The following NUBPL variants were observed in gnomAD, a reference collection of about 807,000 sequenced individuals.
NUBPL encodes the protein NUBP iron-sulfur cluster assembly factor, mitochondrial, also known as iron-sulfur cluster transfer protein NUBPL.
In NUBPL, 31 loss-of-function variants were observed where a neutral mutation model predicts 45.7. The ratio of observed to expected loss-of-function variants is 0.68; its 90% CI spans 0.51 to 0.92. The LOEUF is 0.92. Ranked by LOEUF, NUBPL falls within the 40% of genes least tolerant of loss-of-function variation. The probability of loss-of-function intolerance (pLI) is 0.00; values close to 1 mark genes in which losing one functional copy is unlikely to be tolerated. For synonymous variants in NUBPL, 144 were observed against 140.9 expected (o/e 1.02, Z -0.15); for missense variants, 401 against 398.7 (o/e 1.01, Z -0.05).
intron 4 of NUBPL, among the ~76,000 whole-genome samples, chr14:31,618,813 C>T (rs1400050336): frequency 6.6e-6 from 1 of 152,052 alleles, no homozygotes; most frequent in East Asian, 1.9e-4. Context: ...AACTTGAACT[C>T]AGAGCTGAGT....
intron 7 of NUBPL, among the ~76,000 whole-genome samples, chr14:31,805,928 G>A (rs1446153536): frequency 6.6e-6 from 1 of 151,060 alleles, no homozygotes; most frequent in African/African-American, 2.4e-5. Context: ...AAATTTTGGG[G>A]GGCATTTCCT....
Position 31,785,887 on chromosome 14 carries a change from G to A in NUBPL, c.514-1893G>A, listed in dbSNP as rs150261769. ...AAAAGTATGATTATAGGCCAGGCAC[G>A]GTGACTCATGCCTGTAATCCCAGCA... is the stretch of plus-strand genomic sequence containing the variant. On this transcript the variant is annotated intron_variant, in intron 6 of 10. Coordinates refer to ENST00000281081, the MANE Select transcript of NUBPL (RefSeq NM_025152.3). Among the ~76,000 whole-genome samples the A allele has an allele frequency of 2.1e-3, 324 of 152,176 alleles. 1 individual carries two copies. The highest frequency in any genetic ancestry group is 7.3e-3 in the African/African-American group (305 of 41,518).
chr14:31,801,901 G>C (rs1324069809), intron 7 of NUBPL, among the ~76,000 whole-genome samples: 1 of 152,168 alleles, frequency 6.6e-6, no homozygotes, highest in Non-Finnish European at 1.5e-5. Flanking sequence ...AGAGAGAGAA[G>C]CCACTGTGTA....
intron 8 of NUBPL, among the ~76,000 whole-genome samples, chr14:31,838,279 CAAAAAAAAAA>C (rs748313330): frequency 2.5e-4 from 15 of 60,282 alleles, no homozygotes; most frequent in African/African-American, 6.6e-4. Flanking sequence ...TAATATCCAG[CAAAAAAAAAA>C]AAAAAAAAAA....
At chr14:31,566,622 T>C (rs1193157980) in intron 3 of NUBPL, among the ~76,000 whole-genome samples, 3 of 152,106 alleles carry the variant, frequency 2.0e-5, no homozygotes, top group Non-Finnish European at 4.4e-5. Flanking sequence ...CACATCCTAA[T>C]TCCTGGAACC....
At chr14:31,597,233 CAGTT>C (rs747945453) in intron 3 of NUBPL, among the ~76,000 whole-genome samples, 2 of 152,066 alleles carry the variant, frequency 1.3e-5, no homozygotes, top group Non-Finnish European at 2.9e-5. Context: ...AGAATATTGT[CAGTT>C]AGTGTTATTT....
intron 6 of NUBPL, among the ~76,000 whole-genome samples, chr14:31,757,339 T>C (rs2038691322): frequency 6.6e-6 from 1 of 151,250 alleles, no homozygotes; most frequent in African/African-American, 2.4e-5. Context: ...CCTGGACTCT[T>C]TTTGGTTGGT....
chr14:31,690,777 ATG>A lies in NUBPL; in HGVS notation c.513+17204_513+17205del, dbSNP rs2037075504. 2.0e-5 allele frequency among the ~76,000 whole-genome samples: 3 copies of A among 152,326 alleles called. No individual in the cohort carries two copies. In the South Asian group the frequency reaches 6.2e-4, roughly 32 times the overall value. Reference sequence around the variant, plus strand: ...AGATGAGGGATGAAGGGTTTCAGATATGCACCTCAGAGAAATTCAAGACCTTG... The same window carrying A: ...AGATGAGGGATGAAGGGTTTCAGATACACCTCAGAGAAATTCAAGACCTTG... On this transcript the variant is annotated intron_variant, in intron 6 of 10. Coordinates refer to ENST00000281081, the MANE Select transcript of NUBPL (RefSeq NM_025152.3).
chr14:31,818,695 C>T (rs2039966566), intron 7 of NUBPL, among the ~76,000 whole-genome samples: 1 of 152,124 alleles, frequency 6.6e-6, no homozygotes, highest in Admixed American at 6.5e-5. Context: ...ACTACAGGCG[C>T]CGGCCACCAC....
chr14:31,607,795 A>G (rs1248952055), intron 4 of NUBPL, among the ~76,000 whole-genome samples: 1 of 152,164 alleles, frequency 6.6e-6, no homozygotes, highest in Non-Finnish European at 1.5e-5. Flanking sequence ...AGAAGAGGGA[A>G]AAGAAAGAGC....
At chr14:31,710,149 T>C (rs2037538137) in intron 6 of NUBPL, among the ~76,000 whole-genome samples, 1 of 152,166 alleles carries the variant, frequency 6.6e-6, no homozygotes, top group Non-Finnish European at 1.5e-5. Context: ...TGTCACCTCT[T>C]TTTCAGGGTT....
chr14:31,592,877 G>A (rs1027985484), intron 3 of NUBPL, among the ~76,000 whole-genome samples: 1 of 152,124 alleles, frequency 6.6e-6, no homozygotes, highest in Non-Finnish European at 1.5e-5. Context: ...TACTCTTCTA[G>A]GTTCTGGGTA....
rs540188002 is a variant in NUBPL at position 31,603,129 on chromosome 14, T to C, written c.382+3750T>C. Among the ~76,000 whole-genome samples the C allele has an allele frequency of 4.6e-4, 70 of 151,592 alleles. 1 individual carries two copies. The South Asian group carries it at 0.015, about 32-fold the overall frequency. On this transcript the variant is annotated intron_variant, in intron 4 of 10. Coordinates refer to ENST00000281081, the MANE Select transcript of NUBPL (RefSeq NM_025152.3). ...GAGTTCAAGACCAGCCTGGGCAACATAGTGAGACAAAAATAAAAAAATTAG... is the reference window on the plus strand; with the variant it reads ...GAGTTCAAGACCAGCCTGGGCAACACAGTGAGACAAAAATAAAAAAATTAG...
intron 6 of NUBPL, among the ~76,000 whole-genome samples, chr14:31,751,991 C>T (rs1242806669): frequency 6.6e-6 from 1 of 152,216 alleles, no homozygotes; most frequent in Admixed American, 6.5e-5. Context: ...CTCTTTTAGC[C>T]ATGGCTGGAG....
At chr14:31,624,539 C>T (rs575658120) in intron 4 of NUBPL, among the ~76,000 whole-genome samples, 1 of 152,214 alleles carries the variant, frequency 6.6e-6, no homozygotes, top group East Asian at 1.9e-4. Flanking sequence ...GTGTAGAAGA[C>T]ATTTAGCAAT....
chr14:31,691,859 A>G (rs10138578), intron 6 of NUBPL, among the ~76,000 whole-genome samples: 13,358 of 152,102 alleles, frequency 0.088, 736 homozygotes, highest in African/African-American at 0.15. Flanking sequence ...ATTTTTTAGG[A>G]TACATGAAGT....
chr14:31,851,250 T>C (rs1286170486), intron 10 of NUBPL, among the ~76,000 whole-genome samples: 1 of 146,988 alleles, frequency 6.8e-6, no homozygotes, highest in East Asian at 1.9e-4. Context: ...TTTTTTTTTT[T>C]CTTTTCCTTA....
At chr14:31,813,795 C>G (rs1417943032) in intron 7 of NUBPL, among the ~76,000 whole-genome samples, 1 of 152,162 alleles carries the variant, frequency 6.6e-6, no homozygotes, top group Non-Finnish European at 1.5e-5. Context: ...GTTTGGTTAT[C>G]TGTTCCTGTG....
intron 4 of NUBPL, among the ~76,000 whole-genome samples, chr14:31,658,756 C>T (rs2036201474): frequency 6.6e-6 from 1 of 152,152 alleles, no homozygotes; most frequent in Non-Finnish European, 1.5e-5. Context: ...AAGTGATCCA[C>T]CTGCCTCGGC....
Sources: allele counts gnomAD v4.1 joint callset (sites outside exome capture counted in the v4.1 genomes callset), GRCh38; gene constraint gnomAD v4.1.1; transcripts MANE v1.5; gene names NCBI Gene and HGNC (gene_info 2026-07-23, HGNC 2026-07-21).